The following LEPR variants were observed in gnomAD, a reference collection of about 807,000 sequenced individuals.
The protein encoded by LEPR is OB receptor.
In LEPR, 56 loss-of-function variants were observed where a neutral mutation model predicts 114.7. That is an observed-to-expected ratio of 0.49 (90% confidence interval 0.39 to 0.61). LEPR has a LOEUF of 0.61. LEPR is among the 20% of genes least tolerant of loss of function. LEPR has a pLI of 0.00. For synonymous variants in LEPR, 443 were observed against 461.4 expected, an observed-to-expected ratio of 0.96 and a Z score of 0.51; for missense variants, 1,202 against 1,352.9, an observed-to-expected ratio of 0.89 and a Z score of 1.75.
rs184508636 is a variant in LEPR at position 65,426,086 on chromosome 1, C to T, written c.-21+708C>T. Among the ~76,000 whole-genome samples the T allele has an allele frequency of 3.8e-3, 514 of 136,862 alleles. 10 individuals carry two copies. Among genetic ancestry groups the T allele is most frequent in the African/African-American group, 0.017 (480 of 28,192 alleles). 89.8% of individuals were successfully genotyped at this position (136,862 alleles called of 152,430 possible). On this transcript the variant is annotated intron_variant, in intron 2 of 19. Coordinates refer to ENST00000349533, the MANE Select transcript of LEPR (RefSeq NM_002303.6). ...GAAATGGTACAAAAGATGAAGAGCA[C>T]AGAAGCTGGGAAGACAGTGGTCAGG...
intron 2 of LEPR, among the ~76,000 whole-genome samples, chr1:65,544,296 C>A (rs575801366): frequency 6.6e-6 from 1 of 152,088 alleles, no homozygotes; most frequent in East Asian, 1.9e-4. Flanking sequence ...GATTTTGTAT[C>A]CTGAGACTTT....
intron 2 of LEPR, among the ~76,000 whole-genome samples, chr1:65,516,411 T>C (rs1325968771): frequency 6.6e-6 from 1 of 151,928 alleles, no homozygotes; most frequent in Non-Finnish European, 1.5e-5. Flanking sequence ...TCCACTGCAC[T>C]CCAGCCTGGG....
chr1:65,460,807 A>T (rs921218535), intron 2 of LEPR, among the ~76,000 whole-genome samples: 28 of 151,926 alleles, frequency 1.8e-4, no homozygotes, highest in African/African-American at 6.8e-4. Context: ...GTGCCACTGC[A>T]CTCTGGTCTG....
chr1:65,533,414 A>G (rs890167265), intron 2 of LEPR, among the ~76,000 whole-genome samples: 3 of 152,150 alleles, frequency 2.0e-5, no homozygotes, highest in Non-Finnish European at 4.4e-5. Context: ...AAAAGATGCA[A>G]AATGGGAGAA....
In LEPR at chr1:65,422,786, G is replaced by C. The variant is rs193095702; in HGVS notation, c.-97+2046G>C. On this transcript the variant is annotated intron_variant, in intron 1 of 19. Transcript: ENST00000349533. ...TTAGTGGTGAGGGTTGAAGCTGGCTGGACAGGCAGTTAGGAGTGAGTCAGG... is the reference window on the plus strand; with the variant it reads ...TTAGTGGTGAGGGTTGAAGCTGGCTCGACAGGCAGTTAGGAGTGAGTCAGG... Among the ~76,000 whole-genome samples, 208 of 152,330 alleles carry C rather than the reference G, an allele frequency of 1.4e-3. 1 individual carries two copies. The highest frequency in any genetic ancestry group is 4.1e-4 in the Non-Finnish European group (28 of 68,026).
At chr1:65,580,163 C>T (rs1048576269) in intron 5 of LEPR, among the ~76,000 whole-genome samples, 1 of 152,180 alleles carries the variant, frequency 6.6e-6, no homozygotes, top group African/African-American at 2.4e-5. Flanking sequence ...CTATCACATG[C>T]TGTTTCTGCC....
At chr1:65,616,277 T>C (rs1342150039) in intron 15 of LEPR, 53 bp downstream of exon 15, 3 of 1,557,854 alleles carry the variant, frequency 1.9e-6, no homozygotes, top group Admixed American at 3.5e-5. Flanking sequence ...ATTTAACTTT[T>C]GCAAACTCTC....
At chr1:65,467,531 T>G (rs1398671820) in intron 2 of LEPR, among the ~76,000 whole-genome samples, 2 of 152,118 alleles carry the variant, frequency 1.3e-5, no homozygotes, top group African/African-American at 4.8e-5. Context: ...TTCTCAGAGC[T>G]TGAACACAAT....
At chr1:65,591,201 T>G (rs1395756368) in intron 5 of LEPR, among the ~76,000 whole-genome samples, 1 of 152,126 alleles carries the variant, frequency 6.6e-6, no homozygotes, top group Non-Finnish European at 1.5e-5. Context: ...TTTGTGTGAC[T>G]GGAATCCTTT....
intron 8 of LEPR, among the ~76,000 whole-genome samples, chr1:65,600,925 T>C (rs1656401736): frequency 6.6e-6 from 1 of 152,064 alleles, no homozygotes; most frequent in Non-Finnish European, 1.5e-5. Context: ...CTTGAAATTT[T>C]TATGTATCCA....
At chr1:65,457,497 C>T (rs969539242) in intron 2 of LEPR, among the ~76,000 whole-genome samples, 1 of 152,138 alleles carries the variant, frequency 6.6e-6, no homozygotes, top group Non-Finnish European at 1.5e-5. Context: ...CCATCAAAGC[C>T]ATTCTTCATG....
At chr1:65,463,453 G>T (rs577243497) in intron 2 of LEPR, among the ~76,000 whole-genome samples, 41 of 152,256 alleles carry the variant, frequency 2.7e-4, no homozygotes, top group African/African-American at 9.4e-4. Context: ...AAGTCAGATA[G>T]CATGATGCCT....
intron 2 of LEPR, among the ~76,000 whole-genome samples, chr1:65,461,781 C>T (rs896903650): frequency 6.6e-6 from 1 of 152,102 alleles, no homozygotes; most frequent in African/African-American, 2.4e-5. Flanking sequence ...CTGACAAACC[C>T]CACCTCAGCC....
intron 5 of LEPR, among the ~76,000 whole-genome samples, chr1:65,586,447 T>C (rs1193698566): frequency 6.6e-6 from 1 of 152,046 alleles, no homozygotes; most frequent in African/African-American, 2.4e-5. Flanking sequence ...TTTTCTTTTT[T>C]CTTAAAGGGC....
chr1:65,460,157 G>C (rs1646927024), intron 2 of LEPR, among the ~76,000 whole-genome samples: 1 of 151,918 alleles, frequency 6.6e-6, no homozygotes, highest in Non-Finnish European at 1.5e-5. Context: ...AGAGTACCCG[G>C]CAAGTAGTAA....
chr1:65,436,075 A>G (rs1646559193), intron 2 of LEPR: 1 of 984,664 alleles, frequency 1.0e-6, no homozygotes, highest in South Asian at 4.7e-5. Context: ...TTACATTTGG[A>G]AAGGAGATCA....
chr1:65,507,981 A>G (rs1648841368), intron 2 of LEPR, among the ~76,000 whole-genome samples: 1 of 152,140 alleles, frequency 6.6e-6, no homozygotes, highest in Admixed American at 6.5e-5. Flanking sequence ...GGCCATTTGT[A>G]TGTCTTCTCC....
chr1:65,453,993 T>C (rs1056484038), intron 2 of LEPR, among the ~76,000 whole-genome samples: 2 of 151,886 alleles, frequency 1.3e-5, no homozygotes, highest in South Asian at 2.1e-4. Context: ...ATATTTAAGA[T>C]AGTTAGCTCT....
intron 2 of LEPR, among the ~76,000 whole-genome samples, chr1:65,521,243 T>C (rs1457415151): frequency 6.6e-6 from 1 of 152,222 alleles, no homozygotes; most frequent in East Asian, 1.9e-4. Context: ...AAAGAATGTG[T>C]CTAATGAAAA....
Sources: gnomAD v4.1 joint callset for allele counts (sites outside exome capture counted in the v4.1 genomes callset) on GRCh38, gnomAD v4.1.1 for gene constraint, MANE v1.5 for transcripts, NCBI Gene and HGNC (gene_info 2026-07-23, HGNC 2026-07-21) for gene names.